Variants in RAB27A observed in about 807,000 individuals in gnomAD.
RAB27A encodes the protein RAB27A, member RAS oncogene family, also known as ras-related protein Rab-27A.
Under a neutral mutation model 20.8 loss-of-function variants are expected in RAB27A, and 17 were observed. The observed-to-expected ratio is 0.82, with a 90% CI of 0.56 to 1.23. RAB27A has a LOEUF of 1.23. Among genes scored for constraint, RAB27A ranks in the 50% most tolerant of loss-of-function variants. RAB27A has a pLI of 0.00. For synonymous variants in RAB27A, 85 were observed against 92.8 expected, an observed-to-expected ratio of 0.92 and a Z score of 0.48; for missense variants, 277 against 266.7, an observed-to-expected ratio of 1.04 and a Z score of -0.27.
intron 6 of RAB27A, among the ~76,000 whole-genome samples, chr15:55,217,042 C>T (rs999446391): frequency 1.3e-5 from 2 of 152,216 alleles, no homozygotes; most frequent in African/African-American, 4.8e-5. Context: ...CTAAAAGACA[C>T]ACAATATTAA....
At chr15:55,307,836 G>A (rs1024082213) in intron 2 of RAB27A, among the ~76,000 whole-genome samples, 3 of 151,224 alleles carry the variant, frequency 2.0e-5, no homozygotes, top group Non-Finnish European at 2.9e-5. Flanking sequence ...CACAGGCCCT[G>A]ACTATCTGCT....
At chr15:55,209,892 A>ACG (rs1894875417) in intron 6 of RAB27A, among the ~76,000 whole-genome samples, 6 of 123,116 alleles carry the variant, frequency 4.9e-5, no homozygotes, top group African/African-American at 2.7e-4. Context: ...GTGTATACAT[A>ACG]TATACACATA....
intron 1 of RAB27A, among the ~76,000 whole-genome samples, chr15:55,318,258 C>A (rs1278154201): frequency 6.6e-6 from 1 of 150,988 alleles, no homozygotes; most frequent in African/African-American, 2.4e-5. Context: ...TCACCACACC[C>A]GGCTAATTTT....
chr15:55,271,311 T>C (rs544936479), intron 1 of RAB27A, among the ~76,000 whole-genome samples: 76 of 152,294 alleles, frequency 5.0e-4, no homozygotes, highest in Non-Finnish European at 9.3e-4. Flanking sequence ...AGTTAAGTGG[T>C]TCTCAAACTG....
upstream of RAB27A, among the ~76,000 whole-genome samples, chr15:55,294,589 GAAAAAAAAAAA>G (rs1181179911): frequency 1.7e-4 from 5 of 29,182 alleles, no homozygotes; most frequent in South Asian, 1.7e-3. Context: ...CCCTGTCTCC[GAAAAAAAAAAA>G]AAAAAAAAAA....
intron 6 of RAB27A, among the ~76,000 whole-genome samples, chr15:55,217,868 G>A (rs1196759819): frequency 6.6e-6 from 1 of 151,736 alleles, no homozygotes; most frequent in Non-Finnish European, 1.5e-5. Context: ...AAGGCCATTT[G>A]GAGTACATGG....
chr15:55,283,745 T>C (rs1898078303), intron 1 of RAB27A, among the ~76,000 whole-genome samples: 1 of 152,206 alleles, frequency 6.6e-6, no homozygotes, highest in African/African-American at 2.4e-5. Flanking sequence ...AATTCTTTAG[T>C]TTTGTAAATG....
intron 5 of RAB27A, among the ~76,000 whole-genome samples, chr15:55,225,083 C>G (rs1895743498): frequency 6.6e-6 from 1 of 152,206 alleles, no homozygotes; most frequent in African/African-American, 2.4e-5. Flanking sequence ...TTCTTTCCTC[C>G]AGGTTGTTAC....
intron 5 of RAB27A, among the ~76,000 whole-genome samples, chr15:55,227,301 C>G (rs1237192223): frequency 6.8e-6 from 1 of 148,058 alleles, no homozygotes; most frequent in African/African-American, 2.5e-5. Flanking sequence ...TCTATGCGCA[C>G]TCTCTAGTGA....
At chr15:55,261,857 G>T (rs1400431836) in intron 2 of RAB27A, among the ~76,000 whole-genome samples, 4 of 151,604 alleles carry the variant, frequency 2.6e-5, no homozygotes, top group Non-Finnish European at 5.9e-5. Context: ...GGCCAACATG[G>T]TGCAATCCCA....
At chr15:55,252,109 G>C (rs57608309) in intron 2 of RAB27A, among the ~76,000 whole-genome samples, 1,625 of 152,188 alleles carry the variant, frequency 0.011, 36 homozygotes, top group African/African-American at 0.038. Flanking sequence ...AGTAGTTTAT[G>C]GATCTGGGAG....
chr15:55,299,367 G>C (rs1339936885), intron 2 of RAB27A, among the ~76,000 whole-genome samples: 1 of 152,182 alleles, frequency 6.6e-6, no homozygotes, highest in Non-Finnish European at 1.5e-5. Flanking sequence ...GCCAAGGTGG[G>C]TGAATCACCT....
intron 2 of RAB27A, among the ~76,000 whole-genome samples, chr15:55,242,175 T>C (rs1896519746): frequency 6.6e-6 from 1 of 152,190 alleles, no homozygotes; most frequent in Non-Finnish European, 1.5e-5. Flanking sequence ...ATTACTCATA[T>C]TTAGTACAGA....
intron 2 of RAB27A, among the ~76,000 whole-genome samples, chr15:55,244,252 T>C (rs1595710104): frequency 6.6e-6 from 1 of 151,666 alleles, no homozygotes; most frequent in Admixed American, 6.6e-5. Flanking sequence ...GAGGTGGAGG[T>C]TGCAGTGAGC....
intron 1 of RAB27A, among the ~76,000 whole-genome samples, chr15:55,276,101 T>C (rs1373637228): frequency 6.6e-6 from 1 of 152,126 alleles, no homozygotes; most frequent in Non-Finnish European, 1.5e-5. Context: ...TTGGCAATCC[T>C]ACTTCTGGGT....
At chr15:55,231,262 T>G (rs909700914) in intron 3 of RAB27A, among the ~76,000 whole-genome samples, 1 of 152,204 alleles carries the variant, frequency 6.6e-6, no homozygotes, top group African/African-American at 2.4e-5. Flanking sequence ...CTATTGTGAA[T>G]AGTGCTGCAA....
At chr15:55,258,984 C>G (rs1804847604) in intron 2 of RAB27A, among the ~76,000 whole-genome samples, 1 of 152,108 alleles carries the variant, frequency 6.6e-6, no homozygotes, top group African/African-American at 2.4e-5. Context: ...ACCACCATAC[C>G]TGGCTAATTT....
chr15:55,209,535 A>G (rs1475744990), intron 6 of RAB27A, among the ~76,000 whole-genome samples: 13 of 152,024 alleles, frequency 8.6e-5, no homozygotes, highest in Non-Finnish European at 1.5e-4. Flanking sequence ...TTATCCATTC[A>G]TCCATTGATG....
At chr15:55,283,308 G>A (rs1473232240) in intron 1 of RAB27A, among the ~76,000 whole-genome samples, 1 of 152,162 alleles carries the variant, frequency 6.6e-6, no homozygotes, top group Non-Finnish European at 1.5e-5. Context: ...ACCCCCAACT[G>A]ACATACACTG....
Sources: allele counts gnomAD v4.1 joint callset (sites outside exome capture counted in the v4.1 genomes callset), GRCh38; gene constraint gnomAD v4.1.1; transcripts MANE v1.5; gene names NCBI Gene and HGNC (gene_info 2026-07-23, HGNC 2026-07-21).